The following DGKH variants were observed in gnomAD, a reference collection of about 807,000 sequenced individuals.
The protein encoded by DGKH is DAG kinase eta.
Under a neutral mutation model 159.3 loss-of-function variants are expected in DGKH, and 90 were observed. The observed-to-expected ratio is 0.57, with a 90% CI of 0.48 to 0.67. The LOEUF is 0.67. Among genes scored for constraint, DGKH ranks in the 30% least tolerant of loss-of-function variants. DGKH has a pLI of 0.00. For missense variants in DGKH, 1,181 were observed against 1,506.1 expected (o/e 0.78, Z 3.57); for synonymous variants, 536 against 553.8 (o/e 0.97, Z 0.45).
At chr13:42,170,706 G>A (rs1231585204) in intron 11 of DGKH, among the ~76,000 whole-genome samples, 1 of 152,096 alleles carries the variant, frequency 6.6e-6, no homozygotes, top group Non-Finnish European at 1.5e-5. Flanking sequence ...ACTTTGGGAG[G>A]CCCAGGTGGG....
chr13:42,104,283 G>A (rs1159160867), intron 1 of DGKH, among the ~76,000 whole-genome samples: 1 of 152,196 alleles, frequency 6.6e-6, no homozygotes, highest in Non-Finnish European at 1.5e-5. Context: ...CCCCCCCAGG[G>A]AATTGTCTTT....
Position 42,238,657 on chromosome 13 carries a change from T to C in DGKH, c.*9469T>C, listed in dbSNP as rs994602222. 2 of 152,156 alleles carry C rather than the reference T, an allele frequency of 1.3e-5. No homozygotes were observed. The highest frequency in any genetic ancestry group is 2.4e-5 in the African/African-American group (1 of 41,454). The allele number at this position is 152,156 out of a possible 1,614,324, so 9.4% of individuals were successfully genotyped here. On this transcript the variant is annotated 3_prime_UTR_variant, in exon 30 of 30. Coordinates refer to ENST00000337343, the MANE Select transcript of DGKH (RefSeq NM_178009.5). ...CTGACTGCGTTCTCTGACTGTGGAATGGTATTCTTTCATGCAAAGTACTTT... is the reference window on the plus strand; with the variant it reads ...CTGACTGCGTTCTCTGACTGTGGAACGGTATTCTTTCATGCAAAGTACTTT...
At chr13:42,243,081 T>A (rs140779833), downstream of DGKH, among the ~76,000 whole-genome samples, 1 of 152,186 alleles carries the variant, frequency 6.6e-6, no homozygotes. Flanking sequence ...AACCAGGACA[T>A]TGAGATGCAT....
chr13:42,219,761 A>G lies in DGKH; in HGVS notation c.3409A>G (p.Lys1137Glu). The G allele has an allele frequency of 6.2e-7, 1 of 1,613,732 alleles. No individual in the cohort carries two copies. Among genetic ancestry groups the G allele is most frequent in the Non-Finnish European group, 8.5e-7 (1 of 1,179,744 alleles). The part of the protein sequence containing the change: ...FRIVPKFKKE[K>E]VQKQKTSSQP... Reference sequence around the variant, plus strand: ...AATAGTGCCAAAGTTTAAAAAGGAAAAGGTTCAGAAGCAGAAGACAAGTTC... The same window carrying G: ...AATAGTGCCAAAGTTTAAAAAGGAAGAGGTTCAGAAGCAGAAGACAAGTTC... The change falls in exon 28 of 30, where the codon AAG becomes GAG. Residue 1137 changes from lysine (K) to glutamate (E), a missense_variant. By Grantham distance (56) the Lys-to-Glu change is moderately conservative. This residue lies in a region of DGKH where 335 missense variants were observed against 495.2 expected (regional missense o/e 0.68). Coordinates refer to ENST00000337343, the MANE Select transcript of DGKH (RefSeq NM_178009.5).
intron 29 of DGKH, among the ~76,000 whole-genome samples, chr13:42,252,022 T>C (rs1356042855): frequency 6.6e-6 from 1 of 152,232 alleles, no homozygotes; most frequent in African/African-American, 2.4e-5. Flanking sequence ...TCACTTGGAA[T>C]ATTGTTTAAA....
Position 42,132,959 on chromosome 13 carries a change from G to A in DGKH, c.384+3327G>A, listed in dbSNP as rs1156327594. ...TGAGGTGGGCAGATCATGAGGTCAG[G>A]AGATCGAGACCATCCTGGCTAACAC... On this transcript the variant is annotated intron_variant, in intron 3 of 29. Transcript: ENST00000337343. 2.0e-5 allele frequency among the ~76,000 whole-genome samples: 3 copies of A among 151,972 alleles called. No individual in the cohort carries two copies. The East Asian group carries it at 5.8e-4, about 29-fold the overall frequency.
intron 1 of DGKH, chr13:42,070,443 C>A: frequency 7.6e-7 from 1 of 1,317,354 alleles, no homozygotes; most frequent in South Asian, 1.2e-5. Flanking sequence ...ATGCAGCCTG[C>A]AGCCCACATG....
exon 31 of DGKH, chr13:42,256,386 G>C: frequency 6.3e-7 from 1 of 1,581,206 alleles, no homozygotes; most frequent in Non-Finnish European, 8.7e-7. Context: ...CTCAATCCTC[G>C]TATAGCGTAT....
At chr13:42,214,080 A>G (rs1242410262) in intron 24 of DGKH, among the ~76,000 whole-genome samples, 1 of 152,250 alleles carries the variant, frequency 6.6e-6, no homozygotes, top group African/African-American at 2.4e-5. Context: ...TATACTGCTT[A>G]TGATCACTTT....
At chr13:42,206,572 C>T (rs945225187) in intron 21 of DGKH, among the ~76,000 whole-genome samples, 1 of 152,158 alleles carries the variant, frequency 6.6e-6, no homozygotes, top group Non-Finnish European at 1.5e-5. Context: ...GGGAGACTGG[C>T]ACAGTCTTAC....
intron 12 of DGKH, 112 bp downstream of exon 12, chr13:42,174,256 A>T: frequency 1.1e-6 from 1 of 912,916 alleles, no homozygotes; most frequent in South Asian, 1.6e-5. Flanking sequence ...ATGTTAACTT[A>T]ATTTTATTTT....
intron 1 of DGKH, among the ~76,000 whole-genome samples, chr13:42,041,647 C>G (rs879520653): frequency 3.9e-5 from 6 of 152,174 alleles, no homozygotes; most frequent in Non-Finnish European, 8.8e-5. Flanking sequence ...TCTTCCGATT[C>G]AAACAGAACC....
In DGKH at chr13:42,235,105, T is replaced by C. The variant is rs1048247905; in HGVS notation, c.*5917T>C. Reference sequence around the variant, plus strand: ...TACCTGTTTGTGTAATTATTTCTGATATTTTTAGGAAAAGAAGTTTAACAG... The same window carrying C: ...TACCTGTTTGTGTAATTATTTCTGACATTTTTAGGAAAAGAAGTTTAACAG... On this transcript the variant is annotated 3_prime_UTR_variant, in exon 30 of 30. Coordinates refer to ENST00000337343, the MANE Select transcript of DGKH (RefSeq NM_178009.5). The C allele has an allele frequency of 2.0e-5, 3 of 152,184 alleles. No individual in the cohort carries two copies. The highest frequency in any genetic ancestry group is 4.4e-5 in the Non-Finnish European group (3 of 68,022). 9.4% of individuals were successfully genotyped at this position (152,184 alleles called of 1,614,324 possible).
intron 3 of DGKH, among the ~76,000 whole-genome samples, chr13:42,142,196 G>T (rs146248728): frequency 6.6e-6 from 1 of 152,122 alleles, no homozygotes; most frequent in East Asian, 1.9e-4. Context: ...GTCAAAGATC[G>T]AATGGTTGTA....
intron 7 of DGKH, among the ~76,000 whole-genome samples, chr13:42,160,722 C>T (rs548319314): frequency 3.3e-5 from 5 of 152,256 alleles, no homozygotes; most frequent in South Asian, 2.1e-4. Flanking sequence ...CAGCACTGGG[C>T]GATGCTGCTC....
At chr13:42,116,331 AAAG>A (rs1462293946) in intron 1 of DGKH, among the ~76,000 whole-genome samples, 1 of 152,208 alleles carries the variant, frequency 6.6e-6, no homozygotes, top group Admixed American at 6.5e-5. Context: ...AAGAGACAGG[AAAG>A]AAGTGACACA....
chr13:42,214,601 A>G lies in DGKH; in HGVS notation c.3109A>G (p.Arg1037Gly). Residue 1037 changes from arginine to glycine, a missense_variant, in exon 25 of 30, where the codon AGG becomes GGG. Around this residue, in one of 5 missense-constraint regions of DGKH, gnomAD observed 335 missense variants for 495.2 expected, o/e 0.68. Transcript: ENST00000337343. ...CCATGCCCTGAATAAAGCCAACCCA[A>G]GGTGCCCGGAGGTGAGGATCTAATG... The part of the protein sequence containing the change: ...CSHALNKANP[R>G]CPESLTRDTA... 1.9e-6 allele frequency: 3 copies of G among 1,612,988 alleles called. No individual in the cohort carries two copies. Among genetic ancestry groups the G allele is most frequent in the Non-Finnish European group, 2.5e-6 (3 of 1,179,544 alleles).
chr13:42,220,822 G>T (rs1957948369), intron 28 of DGKH, among the ~76,000 whole-genome samples: 1 of 152,142 alleles, frequency 6.6e-6, no homozygotes, highest in South Asian at 2.1e-4. Context: ...AAGCAGAAAA[G>T]TCTGTGTAAA....
downstream of DGKH, among the ~76,000 whole-genome samples, chr13:42,246,874 C>T (rs1555284163): frequency 6.6e-6 from 1 of 152,018 alleles, no homozygotes; most frequent in Non-Finnish European, 1.5e-5. Context: ...ATACATTTTC[C>T]CCAATATACA....
Sources: gnomAD v4.1 joint callset for allele counts (sites outside exome capture counted in the v4.1 genomes callset) on GRCh38, gnomAD v4.1.1 for gene constraint, gnomAD v4.1.1 regional missense constraint, MANE v1.5 for transcripts, NCBI Gene and HGNC (gene_info 2026-07-23, HGNC 2026-07-21) for gene names.